MCUB: variants seen among roughly 807,000 people sequenced by gnomAD.
MCUB encodes the protein mitochondrial calcium uniporter dominant negative subunit beta.
A neutral mutation model predicts 41.4 loss-of-function variants in MCUB; 46 were observed. The ratio of observed to expected loss-of-function variants is 1.11; its 90% CI spans 0.88 to 1.42. MCUB has a LOEUF of 1.42. Ranked by LOEUF, MCUB falls within the 40% of genes most tolerant of loss-of-function variation. The pLI, the probability that MCUB is intolerant of heterozygous loss-of-function variation, is 0.00. For synonymous variants in MCUB, 148 were observed against 148.2 expected (o/e 1.00, Z 0.01); for missense variants, 403 against 404.9 (o/e 1.00, Z 0.04).
intron 7 of MCUB, 36 bp from the exon 8 acceptor site, chr4:109,687,475 CTTCT>C: frequency 7.1e-7 from 1 of 1,411,754 alleles, no homozygotes; most frequent in African/African-American, 1.4e-5. Context: ...GTATGTTTCT[CTTCT>C]TTCTGATCAC....
chr4:109,642,648 T>G (rs2126140673), intron 1 of MCUB, among the ~76,000 whole-genome samples: 1 of 152,240 alleles, frequency 6.6e-6, no homozygotes, highest in East Asian at 1.9e-4. Context: ...ATCAGGCTGC[T>G]GCATCTTTTT....
At chr4:109,585,895 A>G (rs1047537972) in intron 1 of MCUB, among the ~76,000 whole-genome samples, 1 of 152,022 alleles carries the variant, frequency 6.6e-6, no homozygotes, top group Non-Finnish European at 1.5e-5. Context: ...TTTCATTTCA[A>G]CATTGGTGAG....
At chr4:109,677,481 A>G (rs938445479) in intron 4 of MCUB, among the ~76,000 whole-genome samples, 2 of 152,190 alleles carry the variant, frequency 1.3e-5, no homozygotes, top group African/African-American at 2.4e-5. Flanking sequence ...GCAGAATGCT[A>G]TGGTTTGAAT....
chr4:109,648,048 G>T (rs1728875909), intron 1 of MCUB, among the ~76,000 whole-genome samples: 1 of 152,164 alleles, frequency 6.6e-6, no homozygotes, highest in Non-Finnish European at 1.5e-5. Context: ...ACATAATGAT[G>T]TTGAAAAAGT....
intron 4 of MCUB, among the ~76,000 whole-genome samples, chr4:109,668,313 A>T (rs1729388753): frequency 6.6e-6 from 1 of 151,922 alleles, no homozygotes. Flanking sequence ...ATGTAGTTTG[A>T]TGCTGTGTTA....
chr4:109,579,060 A>G (rs1001052266), intron 1 of MCUB, among the ~76,000 whole-genome samples: 1 of 152,140 alleles, frequency 6.6e-6, no homozygotes, highest in Non-Finnish European at 1.5e-5. Flanking sequence ...CTGATACACT[A>G]TACAGGGCAT....
intron 1 of MCUB, among the ~76,000 whole-genome samples, chr4:109,573,490 C>T (rs148398741): frequency 1.2e-3 from 189 of 151,648 alleles, no homozygotes; most frequent in African/African-American, 4.3e-3. Context: ...GAAACAAAAC[C>T]GATTTAGCAA....
chr4:109,636,510 C>T (rs941421491), intron 1 of MCUB, among the ~76,000 whole-genome samples: 1 of 152,070 alleles, frequency 6.6e-6, no homozygotes, highest in Non-Finnish European at 1.5e-5. Context: ...AATCAGAAAT[C>T]CAACGGAATG....
chr4:109,650,643 T>C (rs1255955690), intron 1 of MCUB, among the ~76,000 whole-genome samples: 7 of 152,156 alleles, frequency 4.6e-5, no homozygotes, highest in Non-Finnish European at 1.0e-4. Flanking sequence ...CATAAGAACA[T>C]TCTCCAACTT....
chr4:109,640,771 G>A (rs1728696727), intron 1 of MCUB, among the ~76,000 whole-genome samples: 1 of 152,192 alleles, frequency 6.6e-6, no homozygotes, highest in African/African-American at 2.4e-5. Context: ...TCAGCAATAA[G>A]GCTATTTCAC....
At chr4:109,679,478 T>C (rs1729666043) in intron 4 of MCUB, among the ~76,000 whole-genome samples, 1 of 152,060 alleles carries the variant, frequency 6.6e-6, no homozygotes, top group African/African-American at 2.4e-5. Context: ...AAACCCCGTC[T>C]CCACCAAAAA....
intron 1 of MCUB, among the ~76,000 whole-genome samples, chr4:109,632,615 CTT>C (rs33926597): frequency 1.1e-4 from 13 of 116,958 alleles, no homozygotes; most frequent in Admixed American, 1.8e-4. Context: ...TCTGTCATTG[CTT>C]TTTTTTTTTT....
chr4:109,604,429 G>A (rs1727824426), intron 1 of MCUB, among the ~76,000 whole-genome samples: 1 of 152,106 alleles, frequency 6.6e-6, no homozygotes, highest in Non-Finnish European at 1.5e-5. Flanking sequence ...GAGTCTGTAG[G>A]CTTTTCCAGA....
intron 1 of MCUB, among the ~76,000 whole-genome samples, chr4:109,569,853 C>T (rs1235576622): frequency 6.6e-6 from 1 of 152,154 alleles, no homozygotes; most frequent in African/African-American, 2.4e-5. Context: ...GTTCCAGTGG[C>T]TGACCAGCCA....
chr4:109,563,501 C>T (rs1001362848), intron 1 of MCUB, among the ~76,000 whole-genome samples: 4 of 152,160 alleles, frequency 2.6e-5, no homozygotes, highest in Non-Finnish European at 5.9e-5. Flanking sequence ...ATAAAACTAA[C>T]TTCAGAGCCC....
intron 1 of MCUB, among the ~76,000 whole-genome samples, chr4:109,565,442 A>G (rs1726749488): frequency 1.3e-5 from 2 of 152,204 alleles, no homozygotes; most frequent in Non-Finnish European, 2.9e-5. Flanking sequence ...CCAATGTTTC[A>G]TCAACCTCTT....
chr4:109,649,825 C>T (rs1384362776), intron 1 of MCUB, among the ~76,000 whole-genome samples: 1 of 152,114 alleles, frequency 6.6e-6, no homozygotes, highest in Non-Finnish European at 1.5e-5. Context: ...CTTCCTGCCT[C>T]AGCCTCCCAA....
intron 1 of MCUB, among the ~76,000 whole-genome samples, chr4:109,567,761 C>T (rs1246765852): frequency 1.3e-5 from 2 of 151,910 alleles, no homozygotes; most frequent in Non-Finnish European, 2.9e-5. Flanking sequence ...TGCAGTGGCA[C>T]GATCTCAGCT....
chr4:109,592,211 A>G (rs1039411030), intron 1 of MCUB, among the ~76,000 whole-genome samples: 6 of 150,806 alleles, frequency 4.0e-5, no homozygotes, highest in Non-Finnish European at 8.9e-5. Context: ...GGAGTTCGAG[A>G]CCAGCCTGGC....
Sources: gnomAD v4.1 joint callset for allele counts (sites outside exome capture counted in the v4.1 genomes callset) on GRCh38, gnomAD v4.1.1 for gene constraint, MANE v1.5 for transcripts, NCBI Gene and HGNC (gene_info 2026-07-23, HGNC 2026-07-21) for gene names.